Variants in KCNQ5 observed in about 807,000 individuals in gnomAD.
KCNQ5 encodes potassium voltage-gated channel subfamily KQT member 5.
KCNQ5 carries 30 observed loss-of-function variants against 98.2 expected under a neutral mutation model. The observed-to-expected ratio is 0.31, with a 90% CI of 0.23 to 0.41. The LOEUF is 0.41. Among genes scored for constraint, KCNQ5 ranks in the 10% least tolerant of loss-of-function variants. The pLI is 1.00. For missense variants in KCNQ5, 835 were observed against 1,182.5 expected, an observed-to-expected ratio of 0.71 and a Z score of 4.31; for synonymous variants, 458 against 449.4, an observed-to-expected ratio of 1.02 and a Z score of -0.24.
At position 72,779,671 on chromosome 6, in the gene KCNQ5, G is replaced by A. The variant is rs146250146; in HGVS notation, c.398+157084G>A. Among the ~76,000 whole-genome samples the A allele has an allele frequency of 3.9e-5, 6 of 152,182 alleles. No individual in the cohort carries two copies. The East Asian group carries it at 9.7e-4, about 25-fold the overall frequency. On this transcript the variant is annotated intron_variant, in intron 1 of 13. Coordinates refer to ENST00000370398, the MANE Select transcript of KCNQ5 (RefSeq NM_019842.4). ...ATTTTGTTTTTTGTTTTCAGACGAG[G>A]TGTGATTCTGTTACCCAGGCTGGAG...
chr6:73,109,396 A>T (rs1177214333), intron 6 of KCNQ5, among the ~76,000 whole-genome samples: 5 of 152,224 alleles, frequency 3.3e-5, no homozygotes, highest in African/African-American at 1.2e-4. Context: ...TATGCTCCAT[A>T]CAAGTGGATT....
At chr6:72,754,803 C>T (rs1771877326) in intron 1 of KCNQ5, among the ~76,000 whole-genome samples, 1 of 151,824 alleles carries the variant, frequency 6.6e-6, no homozygotes, top group Non-Finnish European at 1.5e-5. Context: ...GTATAAATGT[C>T]AATTAGGTCA....
intron 1 of KCNQ5, among the ~76,000 whole-genome samples, chr6:72,631,585 C>A (rs1453956076): frequency 1.3e-5 from 2 of 152,146 alleles, no homozygotes; most frequent in East Asian, 3.9e-4. Context: ...TTGGATCTGG[C>A]AATGTGGAAT....
chr6:72,700,418 G>T (rs1768744608), intron 1 of KCNQ5, among the ~76,000 whole-genome samples: 1 of 151,588 alleles, frequency 6.6e-6, no homozygotes, highest in South Asian at 2.1e-4. Context: ...CACTATTCTG[G>T]CTCAGGCCCA....
chr6:73,077,127 G>C (rs1435797766), intron 3 of KCNQ5, among the ~76,000 whole-genome samples, 195 bp from the exon 4 acceptor site: 1 of 152,154 alleles, frequency 6.6e-6, no homozygotes, highest in Non-Finnish European at 1.5e-5. Context: ...CAATAGGTAG[G>C]TCCCATTCTC....
At chr6:72,819,955 C>T (rs1029659113) in intron 1 of KCNQ5, among the ~76,000 whole-genome samples, 3 of 152,184 alleles carry the variant, frequency 2.0e-5, no homozygotes, top group Admixed American at 1.3e-4. Flanking sequence ...GTCTTCTCTG[C>T]TCCCATTCCT....
intron 1 of KCNQ5, among the ~76,000 whole-genome samples, chr6:72,999,939 C>A (rs184007761): frequency 3.9e-5 from 6 of 152,244 alleles, no homozygotes; most frequent in African/African-American, 1.4e-4. Flanking sequence ...TGATCTATTG[C>A]CATGGTTAGC....
In KCNQ5 at chr6:73,034,993, C is replaced by G. The variant is rs1222721178; in HGVS notation, c.490-6943C>G. On this transcript the variant is annotated intron_variant, in intron 2 of 13. Coordinates refer to ENST00000370398, the MANE Select transcript of KCNQ5 (RefSeq NM_019842.4). ...CCTGAGTAGCTGGGACTACAGGCGC[C>G]CGCCACCACACCCAGCTAATTTTTT... 2.7e-5 allele frequency among the ~76,000 whole-genome samples: 4 copies of G among 150,516 alleles called. No homozygotes were observed. In the East Asian group the frequency reaches 5.9e-4, roughly 22 times the overall value.
chr6:72,819,669 G>A (rs1430091702), intron 1 of KCNQ5, among the ~76,000 whole-genome samples: 1 of 152,148 alleles, frequency 6.6e-6, no homozygotes, highest in East Asian at 1.9e-4. Flanking sequence ...CCTATCTCCT[G>A]GCTTCCAGTC....
chr6:73,021,616 A>G (rs144238433), intron 2 of KCNQ5, among the ~76,000 whole-genome samples: 2 of 152,284 alleles, frequency 1.3e-5, no homozygotes, highest in Non-Finnish European at 2.9e-5. Flanking sequence ...AGCAAAAGAG[A>G]TGCAAGATAA....
At chr6:72,744,344 TG>T (rs746759048) in intron 1 of KCNQ5, among the ~76,000 whole-genome samples, 6 of 152,258 alleles carry the variant, frequency 3.9e-5, no homozygotes, top group Non-Finnish European at 7.3e-5. Context: ...AGGACTGTTA[TG>T]TAACTTTCTA....
intron 1 of KCNQ5, among the ~76,000 whole-genome samples, chr6:72,815,797 A>T (rs1775484317): frequency 6.6e-6 from 1 of 152,202 alleles, no homozygotes; most frequent in Non-Finnish European, 1.5e-5. Flanking sequence ...TGCACCTCTA[A>T]GTGACAGACG....
intron 1 of KCNQ5, among the ~76,000 whole-genome samples, chr6:72,923,632 TG>T (rs1780501299): frequency 6.6e-6 from 1 of 152,358 alleles, no homozygotes; most frequent in Middle Eastern, 3.4e-3. Flanking sequence ...GTTTGTTACA[TG>T]GGTATATTGC....
At chr6:73,181,659 A>G (rs56776915) in intron 11 of KCNQ5, among the ~76,000 whole-genome samples, 2,998 of 152,344 alleles carry the variant, frequency 0.02, 82 homozygotes, top group African/African-American at 0.067. Context: ...AGTAAAAACA[A>G]TCATATCATA....
At chr6:72,845,249 T>C (rs1223139372) in intron 1 of KCNQ5, among the ~76,000 whole-genome samples, 2 of 152,150 alleles carry the variant, frequency 1.3e-5, no homozygotes, top group African/African-American at 4.8e-5. Flanking sequence ...GCATTGGTCA[T>C]TTGTCACTAG....
chr6:73,058,309 G>T (rs1772617420), intron 3 of KCNQ5, among the ~76,000 whole-genome samples: 1 of 152,148 alleles, frequency 6.6e-6, no homozygotes, highest in Admixed American at 6.5e-5. Context: ...CTACTCGGGA[G>T]GCTGAGGCAG....
intron 1 of KCNQ5, among the ~76,000 whole-genome samples, chr6:72,892,713 T>TA (rs201357800): frequency 0.012 from 1,659 of 142,468 alleles, 11 homozygotes; most frequent in African/African-American, 0.022. Flanking sequence ...GAACCTACCT[T>TA]AAAAAAAAAA....
intron 1 of KCNQ5, among the ~76,000 whole-genome samples, chr6:72,974,212 T>C (rs1406929800): frequency 6.6e-6 from 1 of 152,230 alleles, no homozygotes; most frequent in African/African-American, 2.4e-5. Flanking sequence ...TCATTTACAG[T>C]TTGTAGCTGC....
chr6:73,079,268 C>A (rs1357519569), intron 5 of KCNQ5, among the ~76,000 whole-genome samples: 1 of 152,182 alleles, frequency 6.6e-6, no homozygotes, highest in African/African-American at 2.4e-5. Context: ...ATGTCCATAT[C>A]GTTTTGGTTC....
Sources: allele counts gnomAD v4.1 joint callset (sites outside exome capture counted in the v4.1 genomes callset), GRCh38; gene constraint gnomAD v4.1.1; transcripts MANE v1.5; gene names NCBI Gene and HGNC (gene_info 2026-07-23, HGNC 2026-07-21).